Variants in ANXA8 observed in about 807,000 individuals in gnomAD.
The protein encoded by ANXA8 is VAC-beta.
ANXA8 carries 9 observed loss-of-function variants against 26.8 expected under a neutral mutation model. That is an observed-to-expected ratio of 0.34 (90% CI 0.20 to 0.59). ANXA8 has a LOEUF of 0.59. ANXA8 is among the 20% of genes least tolerant of loss of function. The pLI, the probability that ANXA8 is intolerant of heterozygous loss-of-function variation, is 0.84. For synonymous variants in ANXA8, 39 were observed against 94.8 expected (o/e 0.41, Z 3.42); for missense variants, 83 against 238.5 (o/e 0.35, Z 4.29).
At chr10:47,951,537 A>G in the ANXA8 span, among the ~76,000 whole-genome samples, 1 of 150,620 alleles carries the variant, frequency 6.6e-6, no homozygotes, top group South Asian at 2.1e-4. Context: ...GCAGCTGGGC[A>G]CCATGCTCAC....
chr10:47,700,868 GC>G, the ANXA8 span, among the ~76,000 whole-genome samples: 1 of 149,456 alleles, frequency 6.7e-6, no homozygotes, highest in African/African-American at 2.5e-5. Context: ...AATCACTTGA[GC>G]TCAGGAGTTT....
the ANXA8 span, among the ~76,000 whole-genome samples, chr10:47,720,711 T>C: frequency 7.1e-6 from 1 of 141,246 alleles, no homozygotes; most frequent in Non-Finnish European, 1.5e-5. Flanking sequence ...CCACATGTTA[T>C]CATGGCATAC....
chr10:47,891,587 T>TA, the ANXA8 span, among the ~76,000 whole-genome samples: 1 of 1,524 alleles, frequency 6.6e-4, no homozygotes, highest in Non-Finnish European at 1.3e-3. Context: ...TCTCTACAAA[T>TA]AAATAGAAAA....
chr10:47,942,106 C>T, the ANXA8 span, among the ~76,000 whole-genome samples: 2 of 147,354 alleles, frequency 1.4e-5, no homozygotes, highest in Non-Finnish European at 3.0e-5. Context: ...ACAGAAGCAA[C>T]ACCCCTGGAG....
chr10:47,692,755 G>A, the ANXA8 span: 2 of 126,806 alleles, frequency 1.6e-5, no homozygotes, highest in African/African-American at 5.5e-5. Context: ...TTTTTTTTTT[G>A]AGACAGTCTT....
the ANXA8 span, among the ~76,000 whole-genome samples, chr10:47,650,044 C>T: frequency 6.7e-6 from 1 of 149,752 alleles, no homozygotes; most frequent in Non-Finnish European, 1.5e-5. Context: ...CCCCTCTCTA[C>T]TACAAATACA....
chr10:47,576,777 C>T, the ANXA8 span, among the ~76,000 whole-genome samples: 1 of 150,536 alleles, frequency 6.6e-6, no homozygotes, highest in African/African-American at 2.5e-5. Context: ...ACCTCAGCCT[C>T]CCAAAGTGCA....
the ANXA8 span, among the ~76,000 whole-genome samples, chr10:47,586,948 T>C: frequency 6.8e-6 from 1 of 146,228 alleles, no homozygotes; most frequent in Non-Finnish European, 1.5e-5. Flanking sequence ...TGATCATGCC[T>C]GTAATTCCAG....
chr10:47,492,926 G>A, the ANXA8 span, among the ~76,000 whole-genome samples: 1 of 150,922 alleles, frequency 6.6e-6, no homozygotes, highest in Non-Finnish European at 1.5e-5. Flanking sequence ...TCTCCTGGAT[G>A]TGTCGGGGCC....
the ANXA8 span, among the ~76,000 whole-genome samples, chr10:47,707,175 C>CAAAA: frequency 4.3e-4 from 57 of 133,922 alleles, 2 homozygotes; most frequent in Admixed American, 1.5e-3. Context: ...CTCAAAAAAA[C>CAAAA]AAAAAAAAAC....
intron 11 of ANXA8, among the ~76,000 whole-genome samples, chr10:47,469,982 G>C (rs1386296651): frequency 2.5e-4 from 38 of 151,564 alleles, no homozygotes; most frequent in African/African-American, 7.8e-4. Context: ...GGGCTCAAGC[G>C]ATCCTCCCGC....
the ANXA8 span, among the ~76,000 whole-genome samples, chr10:47,704,273 TG>T: frequency 1.7e-4 from 25 of 144,304 alleles, no homozygotes; most frequent in Non-Finnish European, 3.4e-4. Flanking sequence ...GCAACTTTTT[TG>T]TAAGTCTTAC....
chr10:47,768,229 A>G, the ANXA8 span, among the ~76,000 whole-genome samples: 4 of 151,330 alleles, frequency 2.6e-5, no homozygotes, highest in Admixed American at 6.6e-5. Context: ...CTCAGCCTCC[A>G]TGGCTCACTC....
chr10:47,664,186 G>A, the ANXA8 span, among the ~76,000 whole-genome samples: 1 of 151,712 alleles, frequency 6.6e-6, no homozygotes, highest in Admixed American at 6.6e-5. Context: ...GACCAGCCTG[G>A]CCAACAGGGT....
chr10:47,965,752 TCGAC>T, the ANXA8 span, among the ~76,000 whole-genome samples: 1 of 18,182 alleles, frequency 5.5e-5, no homozygotes. Flanking sequence ...AATCCATTTT[TCGAC>T]TGTGGTTTTC....
At chr10:47,659,385 T>C in the ANXA8 span, among the ~76,000 whole-genome samples, 1 of 151,664 alleles carries the variant, frequency 6.6e-6, no homozygotes, top group Non-Finnish European at 1.5e-5. Context: ...AGCCCACACT[T>C]AAGAGTGTTT....
the ANXA8 span, among the ~76,000 whole-genome samples, chr10:47,916,582 G>A: frequency 2.9e-4 from 38 of 131,516 alleles, no homozygotes; most frequent in African/African-American, 9.5e-4. Context: ...CAGTTTTCTC[G>A]CCTGTGAGAT....
At chr10:47,583,847 A>G in the ANXA8 span, among the ~76,000 whole-genome samples, 2,983 of 136,908 alleles carry the variant, frequency 0.022, 12 homozygotes, top group African/African-American at 0.038. Context: ...AAGAACGCAC[A>G]GCCTGCAAGC....
chr10:47,664,308 G>A, the ANXA8 span, among the ~76,000 whole-genome samples: 3 of 152,082 alleles, frequency 2.0e-5, no homozygotes, highest in African/African-American at 4.8e-5. Flanking sequence ...AACCCAAGAG[G>A]TGGAGGTTGC....
Sources: gnomAD v4.1 joint callset for allele counts (sites outside exome capture counted in the v4.1 genomes callset) on GRCh38, gnomAD v4.1.1 for gene constraint, MANE v1.5 for transcripts, NCBI Gene and HGNC (gene_info 2026-07-23, HGNC 2026-07-21) for gene names.